PDE11A: variants seen among roughly 807,000 people sequenced by gnomAD.
PDE11A encodes dual 3',5'-cyclic-AMP and -GMP phosphodiesterase 11A.
In PDE11A, 100 loss-of-function variants were observed where a neutral mutation model predicts 100.5. That is an observed-to-expected ratio of 1.00 (90% CI 0.85 to 1.18). PDE11A has a LOEUF of 1.18. Among genes scored for constraint, PDE11A ranks in the 50% most tolerant of loss-of-function variants. The probability of loss-of-function intolerance (pLI) is 0.00; values close to 1 mark genes in which losing one functional copy is unlikely to be tolerated. For synonymous variants in PDE11A, 381 were observed against 420.8 expected, an observed-to-expected ratio of 0.91 and a Z score of 1.16; for missense variants, 1,141 against 1,152.6, an observed-to-expected ratio of 0.99 and a Z score of 0.15.
chr2:177,699,636 A>G (rs2081168612), intron 14 of PDE11A, among the ~76,000 whole-genome samples: 1 of 152,208 alleles, frequency 6.6e-6, no homozygotes, highest in African/African-American at 2.4e-5. Context: ...ATGGAAAGAC[A>G]TGCAGATCTG....
At chr2:177,764,881 T>C (rs973127166) in intron 10 of PDE11A, among the ~76,000 whole-genome samples, 1 of 152,346 alleles carries the variant, frequency 6.6e-6, no homozygotes, top group African/African-American at 2.4e-5. Context: ...AATAGTTAAT[T>C]CATTAGTTCC....
rs57211363 is a variant in PDE11A at position 177,713,987 on chromosome 2, CTTTTTTTTT to C, written c.2044-2118_2044-2110del. Among the ~76,000 whole-genome samples, 241 of 77,424 alleles carry C rather than the reference CTTTTTTTTT, an allele frequency of 3.1e-3. 3 individuals carry two copies. The highest frequency in any genetic ancestry group is 0.012 in the African/African-American group (221 of 18,858). 50.8% of individuals were successfully genotyped at this position (77,424 alleles called of 152,430 possible). On this transcript the variant is annotated intron_variant, in intron 12 of 19. Transcript: ENST00000286063. ...TCCCACCATATTTCTTTTCTTTTTT[CTTTTTTTTT>C]TTTTTTTTTTTTTTTGAGACGGAGT...
At chr2:177,674,404 C>CT (rs909205560) in intron 17 of PDE11A, among the ~76,000 whole-genome samples, 1 of 152,234 alleles carries the variant, frequency 6.6e-6, no homozygotes, top group Non-Finnish European at 1.5e-5. Context: ...TCTGGAGGCT[C>CT]TTGGACAGAA....
chr2:177,779,183 C>A (rs904247740), intron 9 of PDE11A, among the ~76,000 whole-genome samples: 3 of 152,168 alleles, frequency 2.0e-5, no homozygotes, highest in Non-Finnish European at 4.4e-5. Context: ...ATCTAAAAAA[C>A]AATGCACATA....
At chr2:177,937,402 C>T (rs2085289063) in intron 2 of PDE11A, among the ~76,000 whole-genome samples, 2 of 151,422 alleles carry the variant, frequency 1.3e-5, no homozygotes, top group Admixed American at 6.6e-5. Context: ...ACTACAACCC[C>T]TGCCTCCTGG....
intron 9 of PDE11A, among the ~76,000 whole-genome samples, chr2:177,781,433 GT>G (rs1282156270): frequency 6.6e-6 from 1 of 152,104 alleles, no homozygotes; most frequent in Non-Finnish European, 1.5e-5. Flanking sequence ...TGCAAAAATG[GT>G]GCCAATAGAG....
intron 9 of PDE11A, among the ~76,000 whole-genome samples, chr2:177,793,732 G>A (rs1387890262): frequency 2.0e-5 from 3 of 152,074 alleles, no homozygotes; most frequent in Non-Finnish European, 2.9e-5. Flanking sequence ...GCTTCCCTCT[G>A]CTTGTGAGTA....
intron 9 of PDE11A, among the ~76,000 whole-genome samples, chr2:177,801,445 T>C (rs1328066930): frequency 1.3e-5 from 2 of 152,126 alleles, no homozygotes; most frequent in Admixed American, 6.6e-5. Flanking sequence ...AATGAATATA[T>C]AGACAACAAC....
chr2:178,001,648 T>C (rs2086146623), intron 2 of PDE11A, among the ~76,000 whole-genome samples: 1 of 152,240 alleles, frequency 6.6e-6, no homozygotes, highest in Non-Finnish European at 1.5e-5. Context: ...CCAAACTTGT[T>C]TCCTTAGAGA....
At chr2:178,073,920 T>C (rs1444081289), upstream of PDE11A, among the ~76,000 whole-genome samples, 1 of 152,172 alleles carries the variant, frequency 6.6e-6, no homozygotes, top group Non-Finnish European at 1.5e-5. Flanking sequence ...TTTTTTTTTT[T>C]TTAATGGACT....
intron 4 of PDE11A, among the ~76,000 whole-genome samples, chr2:177,876,445 G>A (rs2084243187): frequency 6.7e-6 from 1 of 148,214 alleles, no homozygotes; most frequent in African/African-American, 2.6e-5. Flanking sequence ...TTCTTGTGTG[G>A]ACACTTCCTC....
intron 9 of PDE11A, among the ~76,000 whole-genome samples, chr2:177,799,910 G>A (rs1426576039): frequency 2.0e-5 from 3 of 152,082 alleles, no homozygotes; most frequent in Non-Finnish European, 2.9e-5. Context: ...GTATGATGGT[G>A]GGGGGTGGGG....
At chr2:177,856,343 T>G (rs538628446) in intron 5 of PDE11A, among the ~76,000 whole-genome samples, 1 of 152,200 alleles carries the variant, frequency 6.6e-6, no homozygotes, top group Admixed American at 6.5e-5. Context: ...AGTTTCCACA[T>G]TACATTATTT....
At chr2:177,853,799 T>C (rs2083775912) in intron 5 of PDE11A, among the ~76,000 whole-genome samples, 2 of 142,418 alleles carry the variant, frequency 1.4e-5, no homozygotes, top group South Asian at 4.3e-4. Context: ...GATATATATG[T>C]ATATATGTGC....
chr2:177,790,670 A>C (rs1003682177), intron 9 of PDE11A, among the ~76,000 whole-genome samples: 1 of 152,222 alleles, frequency 6.6e-6, no homozygotes, highest in African/African-American at 2.4e-5. Flanking sequence ...CAGAATCTAC[A>C]ATAAACTCAA....
chr2:178,032,864 C>A (rs896701870), intron 1 of PDE11A, among the ~76,000 whole-genome samples: 1 of 152,130 alleles, frequency 6.6e-6, no homozygotes, highest in East Asian at 1.9e-4. Context: ...ACATAAAGGA[C>A]CCCCACACAA....
intron 2 of PDE11A, among the ~76,000 whole-genome samples, chr2:177,994,407 G>C (rs2086044268): frequency 6.6e-6 from 1 of 152,178 alleles, no homozygotes; most frequent in Non-Finnish European, 1.5e-5. Context: ...TGCCTTTAAT[G>C]TCCATAATGA....
intron 10 of PDE11A, among the ~76,000 whole-genome samples, chr2:177,731,339 G>A (rs1477570275): frequency 6.6e-6 from 1 of 152,120 alleles, no homozygotes; most frequent in East Asian, 1.9e-4. Context: ...TGGAGCTTCT[G>A]GGGGCTTCTC....
intron 3 of PDE11A, among the ~76,000 whole-genome samples, chr2:177,903,008 A>T (rs565756590): frequency 6.6e-6 from 1 of 152,302 alleles, no homozygotes; most frequent in East Asian, 1.9e-4. Flanking sequence ...GCTCAAAATC[A>T]TCTAATGGCT....
Sources: allele counts gnomAD v4.1 joint callset (sites outside exome capture counted in the v4.1 genomes callset), GRCh38; gene constraint gnomAD v4.1.1; transcripts MANE v1.5; gene names NCBI Gene and HGNC (gene_info 2026-07-23, HGNC 2026-07-21).